IGF2R: variants seen among roughly 807,000 people sequenced by gnomAD.
IGF2R encodes the protein insulin like growth factor 2 receptor.
Under a neutral mutation model 270.6 loss-of-function variants are expected in IGF2R, and 91 were observed. That is an observed-to-expected ratio of 0.34 (90% CI 0.28 to 0.40). The LOEUF (loss-of-function observed/expected upper bound fraction) is 0.40. IGF2R is among the 10% of genes least tolerant of loss of function. The pLI is 1.00. For synonymous variants in IGF2R, 1,316 were observed against 1,258.9 expected (o/e 1.05, Z -0.96); for missense variants, 2,805 against 3,188.3 (o/e 0.88, Z 2.90).
rs369407970 is a variant in IGF2R at position 160,068,112 on chromosome 6, GAGAC to G, written c.4116-133_4116-130del. On this transcript the variant is annotated intron_variant, in intron 29 of 47. Transcript: ENST00000356956. ...TGTGTGTGTGTGTGTGTGTGTGACA[GAGAC>G]AGAGAGAAGTCGAGTCTAAAGTTCT... The G allele has an allele frequency of 1.8e-5, 14 of 764,772 alleles. No homozygotes were observed. In the Middle Eastern group the frequency reaches 7.5e-4, roughly 41 times the overall value. The allele number at this position is 764,772 out of a possible 1,614,324, so 47.4% of individuals were successfully genotyped here.
chr6:160,080,428 C>CTTTT (rs1056588428), intron 39 of IGF2R, among the ~76,000 whole-genome samples, 153 bp downstream of exon 39: 3 of 152,172 alleles, frequency 2.0e-5, no homozygotes, highest in Non-Finnish European at 4.4e-5. Flanking sequence ...CACAGAGAAA[C>CTTTT]GTTTGAATTG....
chr6:160,003,964 A>G (rs1046544996), intron 2 of IGF2R: 2 of 152,218 alleles, frequency 1.3e-5, no homozygotes, highest in Non-Finnish European at 2.9e-5. Flanking sequence ...CTGGGGGAAC[A>G]GCCAGTTCAG....
rs546763515 is a variant in IGF2R, at chr6:160,033,094, A to C, written c.1198A>C (p.Asn400His). The change falls in exon 9 of 48, where the codon AAT becomes CAT. Residue 400 changes from asparagine to histidine, a missense_variant. Physicochemically the swap from Asn to His is moderately conservative, Grantham distance 68. Transcript: ENST00000356956. ...SQVKAAGRYHNQTLRYSDGDL... is the reference protein window; with the variant it reads ...SQVKAAGRYHHQTLRYSDGDL... ...AGTCAAAGCAGCAGGAAGATACCAC[A>C]ATCAGACCCTCCGGTACGTCAACAA... 1 of 1,612,748 alleles carries C rather than the reference A, an allele frequency of 6.2e-7. No individual in the cohort carries two copies. Among genetic ancestry groups the C allele is most frequent in the South Asian group, 1.1e-5 (1 of 90,952 alleles).
At chr6:160,093,083 A>G (rs1779266078) in intron 44 of IGF2R, 1 of 152,786 alleles carries the variant, frequency 6.5e-6, no homozygotes, top group African/African-American at 2.4e-5. Flanking sequence ...CAAGATGCAC[A>G]CAGGGCAGAG....
intron 4 of IGF2R, among the ~76,000 whole-genome samples, chr6:160,015,896 C>T (rs906948157): frequency 2.6e-5 from 4 of 152,176 alleles, no homozygotes; most frequent in South Asian, 2.1e-4. Flanking sequence ...TCACTCTCAC[C>T]GTCTTGCTCC....
At chr6:160,036,445 A>G (rs1484378351) in intron 10 of IGF2R, among the ~76,000 whole-genome samples, 1 of 152,020 alleles carries the variant, frequency 6.6e-6, no homozygotes, top group Non-Finnish European at 1.5e-5. Flanking sequence ...AGGTCACCCC[A>G]ACTGGCTCTC....
intron 1 of IGF2R, among the ~76,000 whole-genome samples, chr6:159,977,723 A>G (rs1240538135): frequency 6.6e-6 from 1 of 151,370 alleles, no homozygotes; most frequent in Non-Finnish European, 1.5e-5. Context: ...TTGAATCCAG[A>G]CTCCTCCCCT....
Position 160,073,972 on chromosome 6 carries a change from C to G in IGF2R, c.5163C>G (p.Pro1721=), listed in dbSNP as rs774019650. 2.5e-6 allele frequency: 4 copies of G among 1,608,306 alleles called. No homozygotes were observed. In the East Asian group the frequency reaches 8.9e-5, roughly 36 times the overall value. ...AVCKVPIDGP[P]IDIGRVAGPP... is the part of the protein sequence containing the mutation. ...GCAAAGTTCCTATTGATGGTCCCCC[C>G]ATAGTAAGTATGACAAATCCAAGGG... Residue 1721 remains proline (P), a synonymous_variant, in exon 35 of 48, where the codon CCC becomes CCG. Transcript: ENST00000356956.
chr6:160,102,562 C>T lies in IGF2R; in HGVS notation c.6886C>T (p.His2296Tyr), dbSNP rs1010297895. ...GAATCCCGGGGACGACGGGCAGATG[C>T]ACAAGGGGCTGTCAGAACGGAGCCA... ...SENPGDDGQMHKGLSERSQAV... is the reference protein window; with the variant it reads ...SENPGDDGQMYKGLSERSQAV... Residue 2296 changes from histidine (H) to tyrosine (Y), a missense_variant, in exon 46 of 48, where the codon CAC becomes TAC. Transcript: ENST00000356956. This position sits in a 1 kb window ranked among gnomAD's most constrained non-coding sequence, Gnocchi z 4.5. 5.6e-6 allele frequency: 9 copies of T among 1,613,394 alleles called. No homozygotes were observed. Among genetic ancestry groups the T allele is most frequent in the Non-Finnish European group, 6.8e-6 (8 of 1,179,958 alleles).
chr6:160,050,630 T>C lies in IGF2R; in HGVS notation c.2672T>C (p.Leu891Pro). Reference sequence around the variant, plus strand: ...ACCACATATACCACGAGGATCCATCTCGTCTGCTCCAGGGGCAGGCTGGTA... The same window carrying C: ...ACCACATATACCACGAGGATCCATCCCGTCTGCTCCAGGGGCAGGCTGGTA... ...RQTTYTTRIH[L>P]VCSRGRLNSH... The change falls in exon 19 of 48, where the codon CTC (leucine) becomes CCC (proline). Residue 891 changes from leucine to proline, a missense_variant. Physicochemically the swap from Leu to Pro is moderately conservative, Grantham distance 98. This residue lies in a region of IGF2R where 1,851 missense variants were observed against 2,207.2 expected (regional missense o/e 0.84). Transcript: ENST00000356956. This position sits in a 1 kb window ranked among gnomAD's most constrained non-coding sequence, Gnocchi z 4.0. 1.2e-6 allele frequency: 2 copies of C among 1,609,106 alleles called. No homozygotes were observed. The highest frequency in any genetic ancestry group is 1.7e-6 in the Non-Finnish European group (2 of 1,175,986).
chr6:160,013,602 G>T (rs1387089839), intron 4 of IGF2R, among the ~76,000 whole-genome samples: 1 of 152,158 alleles, frequency 6.6e-6, no homozygotes. Context: ...GGCAGCTGGG[G>T]CTTTATTCAT....
At chr6:160,077,876 C>G (rs1450554701) in intron 36 of IGF2R, among the ~76,000 whole-genome samples, 1 of 152,236 alleles carries the variant, frequency 6.6e-6, no homozygotes, top group Non-Finnish European at 1.5e-5. Flanking sequence ...GGCAGGGTCT[C>G]AGTTTCACAG....
chr6:159,998,174 T>C lies in IGF2R; in HGVS notation c.289+6851T>C, dbSNP rs1231762997. ...CAAGTAATTCTGTTGGCCAGTGTTA[T>C]GTAGGTGTTCAGAAAGAAGGAAAAG... On this transcript the variant is annotated intron_variant, in intron 2 of 47. Transcript: ENST00000356956. This position sits in a 1 kb window ranked among gnomAD's most constrained non-coding sequence, Gnocchi z 4.1. 2.0e-5 allele frequency among the ~76,000 whole-genome samples: 3 copies of C among 152,374 alleles called. No homozygotes were observed. The highest frequency in any genetic ancestry group is 2.1e-4 in the South Asian group (1 of 4,830).
rs1347075789 is a variant in IGF2R at position 160,102,511 on chromosome 6, C to A, written c.6843-8C>A. 1 of 1,610,670 alleles carries A rather than the reference C, an allele frequency of 6.2e-7. No individual in the cohort carries two copies. The highest frequency in any genetic ancestry group is 8.5e-7 in the Non-Finnish European group (1 of 1,178,850). The stretch of plus-strand genomic sequence containing the variant: ...TGACACGGCTCCTTTTCTGTGACGT[C>A]CTTGCAGGGTGGGCTTTGACAGCGA... On this transcript the variant is annotated splice_region_variant and splice_polypyrimidine_tract_variant and intron_variant, in intron 45 of 47. Transcript: ENST00000356956. The surrounding 1 kb of genome is among the most constrained non-coding windows in gnomAD (Gnocchi z 4.5).
intron 10 of IGF2R, among the ~76,000 whole-genome samples, chr6:160,035,405 T>C (rs919125838): frequency 3.3e-5 from 5 of 152,170 alleles, no homozygotes; most frequent in African/African-American, 9.7e-5. Flanking sequence ...TGAACCATGC[T>C]CTCGAAGCCT....
At chr6:160,000,728 G>GTTTTTTTTTTTTTTTTTTT (rs59215791) in intron 2 of IGF2R, among the ~76,000 whole-genome samples, 4 of 69,962 alleles carry the variant, frequency 5.7e-5, no homozygotes, top group African/African-American at 1.8e-4. Context: ...GTGTGAGGTT[G>GTTTTTTTTTTTTTTTTTTT]TTTTTTTTTT....
chr6:160,080,391 A>G (rs2115282696), intron 39 of IGF2R, 116 bp downstream of exon 39: 1 of 1,049,162 alleles, frequency 9.5e-7, no homozygotes. Context: ...CTCTTGCATA[A>G]AATATTTTCT....
rs761820791 is a variant in IGF2R, at chr6:160,063,473, G to A, written c.3729G>A (p.Leu1243=). The A allele has an allele frequency of 4.3e-6, 7 of 1,613,318 alleles. No homozygotes were observed. In the Admixed American group the frequency reaches 1.2e-4, roughly 27 times the overall value. The part of the protein sequence containing the change: ...RHGNLYDLKP[L]GLNDTIVSAG... ...GCAACTTGTATGACCTGAAGCCCCT[G>A]GGCCTCAACGACACCATCGTGAGCG... The change falls in exon 27 of 48, where the codon CTG becomes CTA. Residue 1243 remains leucine, a synonymous_variant. Coordinates refer to ENST00000356956, the MANE Select transcript of IGF2R (RefSeq NM_000876.4).
Position 160,108,025 on chromosome 6 carries a change from T to G in IGF2R, c.*2941T>G, listed in dbSNP as rs1779659093. The G allele has an allele frequency of 6.6e-6, 1 of 152,264 alleles. No individual in the cohort carries two copies. Among genetic ancestry groups the G allele is most frequent in the African/African-American group, 2.4e-5 (1 of 41,462 alleles). 9.4% of individuals were successfully genotyped at this position (152,264 alleles called of 1,614,324 possible). ...TAAAGCACTGATGGGTACACAGGTC[T>G]TACCCCTGTTGGCGATCGGGTCACA... On this transcript the variant is annotated 3_prime_UTR_variant, in exon 48 of 48. Transcript: ENST00000356956.
Sources: gnomAD v4.1 joint callset for allele counts (sites outside exome capture counted in the v4.1 genomes callset) on GRCh38, gnomAD v4.1.1 for gene constraint, gnomAD v4.1.1 regional missense constraint, Gnocchi (gnomAD v3.1) non-coding constraint, MANE v1.5 for transcripts, NCBI Gene and HGNC (gene_info 2026-07-23, HGNC 2026-07-21) for gene names.